SLC25A21: variants seen among roughly 807,000 people sequenced by gnomAD.
The protein encoded by SLC25A21 is mitochondrial 2-oxodicarboxylate carrier.
Under a neutral mutation model 43.8 loss-of-function variants are expected in SLC25A21, and 47 were observed. The ratio of observed to expected loss-of-function variants is 1.07; its 90% confidence interval spans 0.85 to 1.37. The LOEUF (loss-of-function observed/expected upper bound fraction) is 1.37. Ranked by LOEUF, SLC25A21 falls within the 40% of genes most tolerant of loss-of-function variation. SLC25A21 has a pLI of 0.00. For missense variants in SLC25A21, 352 were observed against 350.2 expected (o/e 1.00, Z -0.04); for synonymous variants, 131 against 121.3 (o/e 1.08, Z -0.52).
chr14:36,881,472 A>G (rs189704724), intron 1 of SLC25A21, among the ~76,000 whole-genome samples: 120 of 152,310 alleles, frequency 7.9e-4, no homozygotes, highest in African/African-American at 2.8e-3. Flanking sequence ...CTAGGAGTGG[A>G]AAAACCACAT....
At position 36,939,804 on chromosome 14, in the gene SLC25A21, A is replaced by T. The variant is rs1355211652; in HGVS notation, c.71-64800T>A. On this transcript the variant is annotated intron_variant, in intron 1 of 9. Transcript: ENST00000331299. ...ACACAGGAACTTAAAAATCAGCGCC[A>T]TTAGAACCACTTGAGCAAAATCAAA... 2.0e-5 allele frequency among the ~76,000 whole-genome samples: 3 copies of T among 152,174 alleles called. No homozygotes were observed. In the East Asian group the frequency reaches 5.8e-4, roughly 29 times the overall value.
chr14:36,828,070 G>A lies in SLC25A21; in HGVS notation c.120-14069C>T, dbSNP rs191044617. Among the ~76,000 whole-genome samples the A allele has an allele frequency of 3.3e-5, 5 of 152,078 alleles. No homozygotes were observed. The East Asian group carries it at 5.8e-4, about 18-fold the overall frequency. ...GTCTCAATGTGACTCACATAAAGGG[G>A]GAGGTGGTTTATGACGAGATCATGT... On this transcript the variant is annotated intron_variant, in intron 2 of 9. Coordinates refer to ENST00000331299, the MANE Select transcript of SLC25A21 (RefSeq NM_030631.4).
rs1474740575 is a variant in SLC25A21 at position 36,813,990 on chromosome 14, T to C, written c.131A>G (p.Gln44Arg). ...ACTGTTTGGATCGGTTGCACATCTC[T>C]GAATCTGAAACCTAGAAGCAAAATC... is the stretch of plus-strand genomic sequence containing the variant. ...LDVVKTRFQI[Q>R]RCATDPNSYK... Residue 44 changes from glutamine to arginine, a missense_variant, in exon 3 of 10, where the codon CAG becomes CGG. By Grantham distance (43) the Gln-to-Arg change is conservative (BLOSUM62 1). Transcript: ENST00000331299. The C allele has an allele frequency of 1.2e-6, 2 of 1,602,636 alleles. No homozygotes were observed. The highest frequency in any genetic ancestry group is 1.8e-5 in the Admixed American group (1 of 56,542).
chr14:37,127,245 G>A (rs1963313249), intron 1 of SLC25A21, among the ~76,000 whole-genome samples: 1 of 152,050 alleles, frequency 6.6e-6, no homozygotes, highest in Non-Finnish European at 1.5e-5. Flanking sequence ...AGGCTCAAAG[G>A]GCTTAGGAAA....
intron 3 of SLC25A21, among the ~76,000 whole-genome samples, chr14:36,739,504 C>A (rs1175094959): frequency 6.6e-6 from 1 of 151,818 alleles, no homozygotes; most frequent in African/African-American, 2.4e-5. Context: ...ATGGTGAAGC[C>A]CCTTCTCTAC....
chr14:36,779,239 T>C (rs1399798758), intron 3 of SLC25A21, among the ~76,000 whole-genome samples: 2 of 146,494 alleles, frequency 1.4e-5, no homozygotes, highest in Non-Finnish European at 3.0e-5. Context: ...ATATAAGATA[T>C]AGATAATATA....
intron 2 of SLC25A21, among the ~76,000 whole-genome samples, chr14:36,821,171 A>G (rs1408416568): frequency 6.6e-6 from 1 of 152,176 alleles, no homozygotes; most frequent in Admixed American, 6.5e-5. Flanking sequence ...GACCCTAGAA[A>G]GCACATCTTC....
intron 2 of SLC25A21, among the ~76,000 whole-genome samples, chr14:36,855,868 A>G (rs1035001600): frequency 6.6e-6 from 1 of 152,150 alleles, no homozygotes; most frequent in South Asian, 2.1e-4. Context: ...ACAGGGGTGA[A>G]GGGTGGTTTT....
At chr14:36,918,652 G>C (rs1251011278) in intron 1 of SLC25A21, among the ~76,000 whole-genome samples, 1 of 152,010 alleles carries the variant, frequency 6.6e-6, no homozygotes. Flanking sequence ...GCCATTTTAA[G>C]AAATCACCTT....
chr14:36,950,303 T>C (rs1892776728), intron 1 of SLC25A21, among the ~76,000 whole-genome samples: 1 of 152,224 alleles, frequency 6.6e-6, no homozygotes, highest in Admixed American at 6.5e-5. Context: ...ATCCTAATCC[T>C]AATGTGACTA....
chr14:37,163,247 T>C (rs1963978609), intron 1 of SLC25A21, among the ~76,000 whole-genome samples: 1 of 151,772 alleles, frequency 6.6e-6, no homozygotes, highest in Non-Finnish European at 1.5e-5. Context: ...CATATGTAAC[T>C]AACCTGCACA....
chr14:36,751,345 C>T (rs1885702122), intron 3 of SLC25A21, among the ~76,000 whole-genome samples: 1 of 152,162 alleles, frequency 6.6e-6, no homozygotes. Context: ...GCTGTTTGAG[C>T]TGAAGAATGT....
chr14:36,680,678 A>G lies in SLC25A21; in HGVS notation c.880T>C (p.Trp294Arg). ...GGCAATCACCAGTTCTCTTGAAGCCATGAATAGGTGTATTCATAAACCAGC... is the reference window on the plus strand; with the variant it reads ...GGCAATCACCAGTTCTCTTGAAGCCGTGAATAGGTGTATTCATAAACCAGC... ...MLLVYEYTYS[W>R]LQENW Residue 294 changes from tryptophan (W) to arginine (R), a missense_variant, in exon 10 of 10, where the codon TGG (tryptophan) becomes CGG (arginine). Transcript: ENST00000331299. 6.2e-7 allele frequency: 1 copy of G among 1,613,336 alleles called. No homozygotes were observed. The highest frequency in any genetic ancestry group is 8.5e-7 in the Non-Finnish European group (1 of 1,179,636).
chr14:37,126,167 C>G (rs1347468109), intron 1 of SLC25A21, among the ~76,000 whole-genome samples: 1 of 152,130 alleles, frequency 6.6e-6, no homozygotes, highest in Non-Finnish European at 1.5e-5. Context: ...ATACCACACT[C>G]AGGAGTTGAA....
chr14:36,896,283 A>C (rs1408290698), intron 1 of SLC25A21, among the ~76,000 whole-genome samples: 2 of 152,076 alleles, frequency 1.3e-5, no homozygotes, highest in African/African-American at 4.8e-5. Context: ...TGATCCCTTT[A>C]CCATTATGTA....
chr14:36,791,220 C>T (rs1405261492), intron 3 of SLC25A21, among the ~76,000 whole-genome samples: 2 of 151,986 alleles, frequency 1.3e-5, no homozygotes, highest in Non-Finnish European at 2.9e-5. Context: ...CAACGTATTC[C>T]CACTAGGCAA....
At chr14:37,087,854 G>T (rs1962514664) in intron 1 of SLC25A21, among the ~76,000 whole-genome samples, 1 of 152,132 alleles carries the variant, frequency 6.6e-6, no homozygotes, top group Non-Finnish European at 1.5e-5. Flanking sequence ...TAAAAATATT[G>T]CAAGAAACAC....
At chr14:36,875,073 C>A in intron 1 of SLC25A21, 69 bp from the exon 2 acceptor site, 2 of 1,272,124 alleles carry the variant, frequency 1.6e-6, no homozygotes, top group South Asian at 2.7e-5. Context: ...TTGATCCCGT[C>A]GATTTCTCGA....
At position 37,040,361 on chromosome 14, in the gene SLC25A21, G is replaced by GAA. The variant is rs1253154997; in HGVS notation, c.70+131919_70+131920insTT. Among the ~76,000 whole-genome samples the GAA allele has an allele frequency of 8.1e-5, 3 of 36,996 alleles. 1 individual carries two copies. Among genetic ancestry groups the GAA allele is most frequent in the African/African-American group, 1.1e-3 (2 of 1,860 alleles). 24.3% of individuals were successfully genotyped at this position (36,996 alleles called of 152,430 possible). A position where few individuals can be genotyped will look rare whatever the true frequency, so the allele number is the denominator to read the frequency against. ...GGAAGGAAGGAAGGAAGGAAAGAAA[G>GAA]AGAGAGAGAGAGAGAAAGAAAGAAA... is the stretch of plus-strand genomic sequence containing the variant. On this transcript the variant is annotated intron_variant, in intron 1 of 9. Coordinates refer to ENST00000331299, the MANE Select transcript of SLC25A21 (RefSeq NM_030631.4).
Sources: allele counts gnomAD v4.1 joint callset (sites outside exome capture counted in the v4.1 genomes callset), GRCh38; gene constraint gnomAD v4.1.1; transcripts MANE v1.5; gene names NCBI Gene and HGNC (gene_info 2026-07-23, HGNC 2026-07-21).